DRC11: variants seen among roughly 807,000 people sequenced by gnomAD.
The protein encoded by DRC11 is IQ and AAA domain-containing protein 1.
At chr2:236,503,491 A>G in the DRC11 span, 1 of 859,166 alleles carries the variant, frequency 1.2e-6, no homozygotes, top group Non-Finnish European at 1.9e-6. This position sits in a 1 kb window ranked among gnomAD's most constrained non-coding sequence, Gnocchi z 4.9. Flanking sequence ...TGGTGGCTTG[A>G]GCCTTCCGGG....
chr2:236,470,250 T>C, the DRC11 span, among the ~76,000 whole-genome samples: 1 of 152,172 alleles, frequency 6.6e-6, no homozygotes, highest in Non-Finnish European at 1.5e-5. The surrounding 1 kb of genome is among the most constrained non-coding windows in gnomAD (Gnocchi z 5.1). Context: ...TGCAAATAAG[T>C]GACTGAATGC....
chr2:236,494,610 C>G, the DRC11 span, among the ~76,000 whole-genome samples: 1 of 152,152 alleles, frequency 6.6e-6, no homozygotes, highest in African/African-American at 2.4e-5. The surrounding 1 kb of genome is among the most constrained non-coding windows in gnomAD (Gnocchi z 4.2). Flanking sequence ...GCTGTTTTGA[C>G]AGGAAAGCAA....
the DRC11 span, chr2:236,419,087 G>A: frequency 1.3e-6 from 2 of 1,482,200 alleles, no homozygotes; most frequent in South Asian, 2.9e-5. The surrounding 1 kb of genome is among the most constrained non-coding windows in gnomAD (Gnocchi z 4.8). Flanking sequence ...TTGACTCAAA[G>A]CAAAGAAGTC....
the DRC11 span, among the ~76,000 whole-genome samples, chr2:236,335,745 T>C: frequency 0.13 from 19,298 of 152,074 alleles, 1,418 homozygotes; most frequent in Admixed American, 0.19. This position sits in a 1 kb window ranked among gnomAD's most constrained non-coding sequence, Gnocchi z 5.6. Flanking sequence ...GCTTAAAATA[T>C]AGATACCATA....
At chr2:236,350,687 C>T in the DRC11 span, among the ~76,000 whole-genome samples, 5 of 152,338 alleles carry the variant, frequency 3.3e-5, no homozygotes, top group South Asian at 2.1e-4. The surrounding 1 kb of genome is among the most constrained non-coding windows in gnomAD (Gnocchi z 5.2). Flanking sequence ...ATGGACCAGG[C>T]GGCCGCCACA....
At chr2:236,326,819 T>G in the DRC11 span, among the ~76,000 whole-genome samples, 1 of 151,714 alleles carries the variant, frequency 6.6e-6, no homozygotes, top group South Asian at 2.1e-4. Context: ...TGTGTGTGTG[T>G]GTGTGTGTGT....
At chr2:236,334,759 T>G in the DRC11 span, among the ~76,000 whole-genome samples, 1 of 152,150 alleles carries the variant, frequency 6.6e-6, no homozygotes, top group Non-Finnish European at 1.5e-5. The surrounding 1 kb of genome is among the most constrained non-coding windows in gnomAD (Gnocchi z 7.8). Context: ...GGTGAGCTTC[T>G]GACCCTCTGA....
chr2:236,441,278 C>CT, the DRC11 span, among the ~76,000 whole-genome samples: 1 of 152,150 alleles, frequency 6.6e-6, no homozygotes. Flanking sequence ...CTTGAAGAAA[C>CT]TGAAGGTACT....
At chr2:236,313,593 C>T in the DRC11 span, among the ~76,000 whole-genome samples, 2 of 152,144 alleles carry the variant, frequency 1.3e-5, no homozygotes, top group African/African-American at 2.4e-5. This position sits in a 1 kb window ranked among gnomAD's most constrained non-coding sequence, Gnocchi z 4.5. Context: ...CATATTCACA[C>T]AAAAACCTGT....
the DRC11 span, among the ~76,000 whole-genome samples, chr2:236,395,245 C>T: frequency 2.0e-5 from 3 of 152,136 alleles, no homozygotes; most frequent in Non-Finnish European, 2.9e-5. Flanking sequence ...ACAGGTGTGA[C>T]GACAAGAGGG....
the DRC11 span, among the ~76,000 whole-genome samples, chr2:236,376,374 A>T: frequency 2.6e-5 from 4 of 152,334 alleles, no homozygotes; most frequent in Non-Finnish European, 4.4e-5. This position sits in a 1 kb window ranked among gnomAD's most constrained non-coding sequence, Gnocchi z 5.7. Context: ...GAGAAAGACA[A>T]GTATTTATAC....
At chr2:236,350,125 C>G in the DRC11 span, among the ~76,000 whole-genome samples, 1 of 152,208 alleles carries the variant, frequency 6.6e-6, no homozygotes, top group Non-Finnish European at 1.5e-5. The surrounding 1 kb of genome is among the most constrained non-coding windows in gnomAD (Gnocchi z 5.2). Context: ...GTCGCCCTAA[C>G]TTGGAATGAT....
At chr2:236,333,894 A>C in the DRC11 span, among the ~76,000 whole-genome samples, 1 of 152,166 alleles carries the variant, frequency 6.6e-6, no homozygotes, top group African/African-American at 2.4e-5. The surrounding 1 kb of genome is among the most constrained non-coding windows in gnomAD (Gnocchi z 6.0). Context: ...GTGGACAATT[A>C]GGCATCAAGG....
chr2:236,430,523 A>G, the DRC11 span, among the ~76,000 whole-genome samples: 1 of 152,150 alleles, frequency 6.6e-6, no homozygotes, highest in Non-Finnish European at 1.5e-5. This position sits in a 1 kb window ranked among gnomAD's most constrained non-coding sequence, Gnocchi z 6.0. Context: ...ACAGAACTTC[A>G]CGGTTCATTT....
the DRC11 span, among the ~76,000 whole-genome samples, chr2:236,489,920 G>A: frequency 6.6e-6 from 1 of 152,124 alleles, no homozygotes; most frequent in African/African-American, 2.4e-5. Flanking sequence ...GTGAGATTCT[G>A]TCTCTAAAAA....
chr2:236,369,097 A>C, the DRC11 span: 1 of 152,222 alleles, frequency 6.6e-6, no homozygotes, highest in South Asian at 2.1e-4. The surrounding 1 kb of genome is among the most constrained non-coding windows in gnomAD (Gnocchi z 4.5). Flanking sequence ...ATATTCAATG[A>C]ACGAATCACC....
the DRC11 span, among the ~76,000 whole-genome samples, chr2:236,404,283 G>A: frequency 6.6e-6 from 1 of 152,088 alleles, no homozygotes; most frequent in African/African-American, 2.4e-5. Flanking sequence ...TTCTTCCAAG[G>A]TGTGTGGATA....
the DRC11 span, among the ~76,000 whole-genome samples, chr2:236,481,927 A>T: frequency 6.7e-6 from 1 of 149,002 alleles, no homozygotes; most frequent in African/African-American, 2.5e-5. Context: ...TACATATTAT[A>T]TGTATAATTC....
chr2:236,480,394 T>C, the DRC11 span, among the ~76,000 whole-genome samples: 2 of 152,212 alleles, frequency 1.3e-5, no homozygotes, highest in African/African-American at 4.8e-5. Context: ...GGTAATTTTC[T>C]ATATATTGTA....
Sources: allele counts gnomAD v4.1 joint callset (sites outside exome capture counted in the v4.1 genomes callset), GRCh38; gene constraint gnomAD v4.1.1; non-coding constraint Gnocchi (gnomAD v3.1); transcripts MANE v1.5; gene names NCBI Gene and HGNC (gene_info 2026-07-23, HGNC 2026-07-21).